The following THOC2 variants were observed in gnomAD, a reference collection of about 807,000 sequenced individuals.
The protein encoded by THOC2 is THO complex 2.
THOC2 carries 10 observed loss-of-function variants against 128.4 expected under a neutral mutation model. The ratio of observed to expected loss-of-function variants is 0.08; its 90% CI spans 0.05 to 0.13. The LOEUF (loss-of-function observed/expected upper bound fraction) is 0.13, where lower values mean the gene tolerates loss of function less well. THOC2 is among the 10% of genes least tolerant of loss of function. The probability of loss-of-function intolerance (pLI) is 1.00; values close to 1 mark genes in which losing one functional copy is unlikely to be tolerated. For missense variants in THOC2, 535 were observed against 1,155.7 expected, an observed-to-expected ratio of 0.46 and a Z score of 7.79; for synonymous variants, 393 against 396.9, an observed-to-expected ratio of 0.99 and a Z score of 0.12.
At chrX:123,619,334 T>A (rs2047004739) in intron 33 of THOC2, 67 bp downstream of exon 33, 1 of 667,054 alleles carries the variant, frequency 1.5e-6, no homozygotes, top group South Asian at 2.9e-5. Flanking sequence ...GGTGAGGACA[T>A]CTACTAAATA....
Position 123,631,765 on chromosome X carries a change from C to T in THOC2, c.2404G>A (p.Val802Ile), listed in dbSNP as rs766549255. The part of the protein sequence containing the change: ...DYIKRVPSID[V>I]LCNEFHTPHD... ...GGTGTATGAAATTCATTACAGAGTA[C>T]ATCAATTGAAGGCACTCGCTTTATA... is the stretch of plus-strand genomic sequence containing the variant. The change falls in exon 22 of 39, where the codon GTA becomes ATA. Residue 802 changes from valine to isoleucine, a missense_variant. Physicochemically the swap from Val to Ile is conservative, Grantham distance 29. This residue lies in a region of THOC2 where 90 missense variants were observed against 298.6 expected (regional missense o/e 0.30). Coordinates refer to ENST00000245838, the MANE Select transcript of THOC2 (RefSeq NM_001081550.2). 5.0e-6 allele frequency: 6 copies of T among 1,207,342 alleles called. No homozygotes were observed. In the African/African-American group the frequency reaches 7.0e-5, roughly 14 times the overall value.
Position 123,640,519 on chromosome X carries a change from T to C in THOC2, c.1746+19A>G, listed in dbSNP as rs1272003775. On this transcript the variant is annotated intron_variant, in intron 16 of 38. Transcript: ENST00000245838. Reference sequence around the variant, plus strand: ...CAGAAAGAAAAATCCCTTAAAATAATATTAACCTCAAAACATACATAATCA... The same window carrying C: ...CAGAAAGAAAAATCCCTTAAAATAACATTAACCTCAAAACATACATAATCA... The C allele has an allele frequency of 1.8e-6, 2 of 1,115,041 alleles. No individual in the cohort carries two copies. Among genetic ancestry groups the C allele is most frequent in the Non-Finnish European group, 2.4e-6 (2 of 827,857 alleles). 91.9% of individuals were successfully genotyped at this position (1,115,041 alleles called of 1,213,427 possible).
intron 18 of THOC2, 86 bp downstream of exon 18, chrX:123,637,946 TAGGCTTCTAAA>T: frequency 2.2e-5 from 13 of 587,116 alleles, no homozygotes; most frequent in Non-Finnish European, 3.4e-5. Flanking sequence ...TCTTAACAAA[TAGGCTTCTAAA>T]AGTCTCTAAG....
At chrX:123,638,735 C>CGT (rs2047779678) in intron 17 of THOC2, among the ~76,000 whole-genome samples, 199 bp downstream of exon 17, 2 of 104,726 alleles carry the variant, frequency 1.9e-5, no homozygotes, top group East Asian at 5.9e-4. Context: ...CGTACACACA[C>CGT]ACACACACAC....
At chrX:123,694,946 G>A (rs979935699) in intron 7 of THOC2, among the ~76,000 whole-genome samples, 7 of 112,485 alleles carry the variant, frequency 6.2e-5, no homozygotes, top group Non-Finnish European at 1.1e-4. Flanking sequence ...TGGGCATAGC[G>A]AGACCCCGTC....
Position 123,644,838 on chromosome X carries a change from G to A in THOC2, c.1500C>T (p.Cys500=). Residue 500 remains cysteine, a synonymous_variant, in exon 14 of 39, where the codon TGC becomes TGT. Transcript: ENST00000245838. The stretch of plus-strand genomic sequence containing the variant: ...ATAGTTCCTCAGACATACAAGCATT[G>A]CAGTCCATCAAAGAAAGAGATGGAA... ...VLLPSLSLMD[C]NACMSEELWG... is the part of the protein sequence containing the mutation. The A allele has an allele frequency of 1.7e-6, 2 of 1,202,087 alleles. No homozygotes were observed. The highest frequency in any genetic ancestry group is 2.3e-6 in the Non-Finnish European group (2 of 887,042).
chrX:123,662,631 C>T (rs913612553), intron 12 of THOC2, among the ~76,000 whole-genome samples: 4 of 105,350 alleles, frequency 3.8e-5, no homozygotes, highest in African/African-American at 1.0e-4. Flanking sequence ...CAGAATTAAA[C>T]GTTAAAATTT....
At position 123,638,769 on chromosome X, in the gene THOC2, T is replaced by TACAC. The variant is rs745502483; in HGVS notation, c.1840+161_1840+164dup. 1.4e-3 allele frequency among the ~76,000 whole-genome samples: 135 copies of TACAC among 93,594 alleles called. 1 individual carries two copies. Among genetic ancestry groups the TACAC allele is most frequent in the South Asian group, 3.1e-3 (6 of 1,961 alleles). The allele number at this position is 93,594 out of a possible 115,157, so 81.3% of individuals were successfully genotyped here. A position where few individuals can be genotyped will look rare whatever the true frequency, so the allele number is the denominator to read the frequency against. On this transcript the variant is annotated intron_variant, in intron 17 of 38. Transcript: ENST00000245838. ...ACACACACTCTCTCTCTCTCTCACATACACACACACACACACACACACACA... is the reference window on the plus strand; with the variant it reads ...ACACACACTCTCTCTCTCTCTCACATACACACACACACACACACACACACACACA...
intron 1 of THOC2, among the ~76,000 whole-genome samples, chrX:123,719,873 G>T (rs752117520): frequency 2.8e-4 from 30 of 107,248 alleles, no homozygotes; most frequent in African/African-American, 8.8e-4. Flanking sequence ...AGGTTATGAT[G>T]AGCTATGATT....
intron 1 of THOC2, among the ~76,000 whole-genome samples, chrX:123,724,671 C>A (rs955543777): frequency 4.5e-5 from 5 of 110,842 alleles, no homozygotes; most frequent in Non-Finnish European, 9.4e-5. Flanking sequence ...GGCAACAGAG[C>A]GAGACTCTGT....
At chrX:123,653,698 T>C (rs1020616236) in intron 12 of THOC2, among the ~76,000 whole-genome samples, 1 of 111,381 alleles carries the variant, frequency 9.0e-6, no homozygotes, top group Non-Finnish European at 1.9e-5. Flanking sequence ...GAAATGCAAA[T>C]CAAAACCACA....
intron 1 of THOC2, among the ~76,000 whole-genome samples, chrX:123,717,569 GAAT>G (rs2051480129): frequency 9.2e-6 from 1 of 109,083 alleles, no homozygotes; most frequent in Admixed American, 1.0e-4. Flanking sequence ...TGATTGATTA[GAAT>G]AATTAAGATT....
chrX:123,731,513 T>A (rs934934909), intron 1 of THOC2, among the ~76,000 whole-genome samples: 1 of 112,242 alleles, frequency 8.9e-6, no homozygotes, highest in Non-Finnish European at 1.9e-5. Context: ...ATAATATTAC[T>A]TTTAATAGCT....
intron 7 of THOC2, among the ~76,000 whole-genome samples, chrX:123,691,877 C>T (rs1013238486): frequency 8.9e-6 from 1 of 112,221 alleles, no homozygotes; most frequent in Non-Finnish European, 1.9e-5. Flanking sequence ...ATCCATTTAG[C>T]GGTCTGTTTT....
At chrX:123,721,081 T>TA (rs1223059681) in intron 1 of THOC2, among the ~76,000 whole-genome samples, 5 of 111,684 alleles carry the variant, frequency 4.5e-5, no homozygotes, top group Non-Finnish European at 9.4e-5. Context: ...TTTACCACAG[T>TA]AAAAAAGTTA....
At chrX:123,723,578 G>T (rs1442828126) in intron 1 of THOC2, among the ~76,000 whole-genome samples, 2 of 110,963 alleles carry the variant, frequency 1.8e-5, no homozygotes, top group African/African-American at 6.6e-5. Context: ...ATACGATGGA[G>T]TATCTTGCAA....
chrX:123,634,737 G>T (rs2047609762), intron 19 of THOC2, among the ~76,000 whole-genome samples: 1 of 111,303 alleles, frequency 9.0e-6, no homozygotes, highest in African/African-American at 3.3e-5. Flanking sequence ...GATGTAGCAT[G>T]GTCACATACA....
intron 22 of THOC2, among the ~76,000 whole-genome samples, chrX:123,630,521 G>A (rs912911603): frequency 3.8e-5 from 4 of 104,420 alleles, no homozygotes; most frequent in African/African-American, 1.4e-4. Flanking sequence ...CCTGGGATAG[G>A]AGTATCGCTT....
intron 38 of THOC2, chrX:123,602,328 G>A (rs2046310814): frequency 1.8e-5 from 2 of 112,259 alleles, no homozygotes; most frequent in Non-Finnish European, 3.8e-5. Flanking sequence ...CATTGTTCCT[G>A]TCCATTAATT....
Sources: allele counts gnomAD v4.1 joint callset (sites outside exome capture counted in the v4.1 genomes callset), GRCh38; gene constraint gnomAD v4.1.1; regional missense constraint gnomAD v4.1.1; transcripts MANE v1.5; gene names NCBI Gene and HGNC (gene_info 2026-07-23, HGNC 2026-07-21).